Variants in SVIL observed in about 807,000 individuals in gnomAD.
SVIL encodes supervillin.
SVIL carries 101 observed loss-of-function variants against 240.4 expected under a neutral mutation model. The ratio of observed to expected loss-of-function variants is 0.42; its 90% CI spans 0.36 to 0.50. SVIL has a LOEUF of 0.50. Among genes scored for constraint, SVIL ranks in the 20% least tolerant of loss-of-function variants. The pLI, the probability that SVIL is intolerant of heterozygous loss-of-function variation, is 0.01. For synonymous variants in SVIL, 999 were observed against 1,100.0 expected (o/e 0.91, Z 1.82); for missense variants, 2,512 against 2,818.7 (o/e 0.89, Z 2.46).
intron 36 of SVIL, among the ~76,000 whole-genome samples, chr10:29,460,864 C>T (rs144711701): frequency 3.8e-4 from 58 of 152,214 alleles, no homozygotes; most frequent in African/African-American, 1.3e-3. Flanking sequence ...GTGATTACAC[C>T]ACTGCACTCC....
chr10:29,600,885 A>C (rs1250606976), intron 1 of SVIL, among the ~76,000 whole-genome samples: 1 of 152,166 alleles, frequency 6.6e-6, no homozygotes, highest in Admixed American at 6.5e-5. Flanking sequence ...TATAGTCAAT[A>C]CATATGATTA....
chr10:29,685,019 G>C (rs1960952109), intron 2 of SVIL, among the ~76,000 whole-genome samples: 1 of 152,128 alleles, frequency 6.6e-6, no homozygotes, highest in African/African-American at 2.4e-5. Context: ...TCATCACCCA[G>C]GTAGGAAGCG....
chr10:29,556,219 A>G (rs1953921917), intron 3 of SVIL, among the ~76,000 whole-genome samples: 1 of 152,166 alleles, frequency 6.6e-6, no homozygotes, highest in Non-Finnish European at 1.5e-5. Context: ...TCAATAGCTT[A>G]AATTCATAAG....
chr10:29,528,451 A>G (rs1951096359), intron 12 of SVIL, among the ~76,000 whole-genome samples: 1 of 151,988 alleles, frequency 6.6e-6, no homozygotes, highest in African/African-American at 2.4e-5. Flanking sequence ...AACAACAACA[A>G]AACTAGGCTG....
At chr10:29,529,963 G>A in intron 11 of SVIL, 119 bp from the exon 12 acceptor site, 1 of 1,080,862 alleles carries the variant, frequency 9.3e-7, no homozygotes, top group Non-Finnish European at 1.3e-6. Flanking sequence ...TGGAGGCCAA[G>A]AGTTCAAGAC....
At position 29,463,461 on chromosome 10, in the gene SVIL, C is replaced by G. The variant is rs199498793; in HGVS notation, c.6277+31G>C. ...GCCTGAGGGGCTTCCCCATCTGTTCCGTGCTGCAGGCATGTTAGAGGGAGC... is the reference window on the plus strand; with the variant it reads ...GCCTGAGGGGCTTCCCCATCTGTTCGGTGCTGCAGGCATGTTAGAGGGAGC... On this transcript the variant is annotated intron_variant, in intron 35 of 37. Transcript: ENST00000355867. 8.1e-6 allele frequency: 13 copies of G among 1,606,462 alleles called. No homozygotes were observed. In the East Asian group the frequency reaches 1.8e-4, roughly 22 times the overall value.
chr10:29,643,235 A>G (rs1470808346), intron 3 of SVIL, among the ~76,000 whole-genome samples: 1 of 152,220 alleles, frequency 6.6e-6, no homozygotes, highest in African/African-American at 2.4e-5. Flanking sequence ...CAGGAAAGTA[A>G]GACAACAACA....
chr10:29,529,821 T>C lies in SVIL; in HGVS notation c.2130A>G (p.Glu710=), dbSNP rs1352659814. 1 of 1,610,916 alleles carries C rather than the reference T, an allele frequency of 6.2e-7. No individual in the cohort carries two copies. Among genetic ancestry groups the C allele is most frequent in the Admixed American group, 1.7e-5 (1 of 59,034 alleles). ...LFREMEKSFD[E]QNVPKRRSRN... is the part of the protein sequence containing the mutation. Reference sequence around the variant, plus strand: ...TTGAGCGTCGCTTTGGAACATTTTGTTCATCAAAAGATTTTTCCATCTCCT... The same window carrying C: ...TTGAGCGTCGCTTTGGAACATTTTGCTCATCAAAAGATTTTTCCATCTCCT... Residue 710 remains glutamate (E), a synonymous_variant, in exon 12 of 38, where the codon GAA becomes GAG. Coordinates refer to ENST00000355867, the MANE Select transcript of SVIL (RefSeq NM_021738.3).
At chr10:29,587,989 A>T (rs535833899) in intron 1 of SVIL, among the ~76,000 whole-genome samples, 1 of 152,308 alleles carries the variant, frequency 6.6e-6, no homozygotes, top group South Asian at 2.1e-4. Flanking sequence ...TGGCCCCTGC[A>T]CTGTACTACG....
In SVIL at chr10:29,629,625, C is replaced by T. The variant is rs191460776; in HGVS notation, c.-201+4795G>A. ...CCAAGCTTGGGCAAGCATTTCTAAC[C>T]CTCAGTTTTTTCCTCAGTAGAATGA... On this transcript the variant is annotated intron_variant, in intron 1 of 37. Coordinates refer to ENST00000355867, the MANE Select transcript of SVIL (RefSeq NM_021738.3). 3.6e-3 allele frequency among the ~76,000 whole-genome samples: 457 copies of T among 128,426 alleles called. 18 individuals carry two copies. Among genetic ancestry groups the T allele is most frequent in the African/African-American group, 0.011 (438 of 39,030 alleles). The allele number at this position is 128,426 out of a possible 152,430, so 84.3% of individuals were successfully genotyped here.
chr10:29,551,183 C>T lies in SVIL; in HGVS notation c.241G>A (p.Gly81Ser), dbSNP rs1375334858. Residue 81 changes from glycine (G) to serine (S), a missense_variant, in exon 6 of 38, where the codon GGT (glycine) becomes AGT (serine). Physicochemically the swap from Gly to Ser is moderately conservative, Grantham distance 56 (BLOSUM62 0). Transcript: ENST00000355867. ...CCATAGGGTGAGTCACCGTGGACAC[C>T]GGAGGTTTCTGTGCAGTATTTGGAT... ...TRSKYCTETS[G>S]VHGDSPYGSG... 3.7e-6 allele frequency: 6 copies of T among 1,613,934 alleles called. No individual in the cohort carries two copies. In the Admixed American group the frequency reaches 5.0e-5, roughly 13 times the overall value.
chr10:29,650,608 A>T (rs1357171322), intron 3 of SVIL, among the ~76,000 whole-genome samples: 1 of 152,168 alleles, frequency 6.6e-6, no homozygotes, highest in Non-Finnish European at 1.5e-5. Context: ...AATAAATTAT[A>T]TATGAACAGT....
chr10:29,462,645 G>T (rs572248036), intron 35 of SVIL, among the ~76,000 whole-genome samples: 1 of 152,140 alleles, frequency 6.6e-6, no homozygotes, highest in East Asian at 1.9e-4. Context: ...ACAAAACGCT[G>T]TGTATTCCTG....
At chr10:29,529,909 G>A (rs528539092) in intron 11 of SVIL, 65 bp from the exon 12 acceptor site, 160 of 1,492,162 alleles carry the variant, frequency 1.1e-4, no homozygotes, top group Middle Eastern at 4.3e-4. Context: ...GGTGGCTCAC[G>A]CCTGTAATCC....
At chr10:29,619,050 TAATC>T (rs1564707082) in intron 1 of SVIL, among the ~76,000 whole-genome samples, 2 of 152,186 alleles carry the variant, frequency 1.3e-5, no homozygotes, top group South Asian at 2.1e-4. Flanking sequence ...AACGGAAAGA[TAATC>T]AAACACAGAA....
At chr10:29,707,678 G>A (rs1962984478) in intron 1 of SVIL, among the ~76,000 whole-genome samples, 1 of 152,070 alleles carries the variant, frequency 6.6e-6, no homozygotes, top group African/African-American at 2.4e-5. Context: ...TTAAAATAAT[G>A]ATTAAATGGA....
At position 29,522,499 on chromosome 10, in the gene SVIL, T is replaced by C. The variant is rs779304351; in HGVS notation, c.3300A>G (p.Pro1100=). The C allele has an allele frequency of 9.0e-5, 145 of 1,614,034 alleles. No individual in the cohort carries two copies. The highest frequency in any genetic ancestry group is 1.2e-4 in the Non-Finnish European group (144 of 1,180,014). The change falls in exon 16 of 38, where the codon CCA becomes CCG. Residue 1100 remains proline, a synonymous_variant. Coordinates refer to ENST00000355867, the MANE Select transcript of SVIL (RefSeq NM_021738.3). ...TCTCTCCAGCAGCAAACATCGCACA[T>C]GGATTCTTGCAGAGCTTCTCCTGTG... The part of the protein sequence containing the change: ...EQPQEKLCKN[P]CAMFAAGEIK...
intron 6 of SVIL, among the ~76,000 whole-genome samples, chr10:29,540,452 T>G (rs2132599147): frequency 6.6e-6 from 1 of 152,342 alleles, no homozygotes; most frequent in South Asian, 2.1e-4. Flanking sequence ...AGAGGTCTTC[T>G]CGTCTCCATT....
chr10:29,622,174 C>G (rs998221756), intron 1 of SVIL, among the ~76,000 whole-genome samples: 3 of 129,594 alleles, frequency 2.3e-5, no homozygotes, highest in Non-Finnish European at 4.7e-5. Flanking sequence ...GGCGTGAACC[C>G]GGGAGGCGGA....
Sources: allele counts gnomAD v4.1 joint callset (sites outside exome capture counted in the v4.1 genomes callset), GRCh38; gene constraint gnomAD v4.1.1; transcripts MANE v1.5; gene names NCBI Gene and HGNC (gene_info 2026-07-23, HGNC 2026-07-21).